OSBPL1A: variants seen among roughly 807,000 people sequenced by gnomAD.
OSBPL1A encodes oxysterol-binding protein-related protein 1.
Under a neutral mutation model 137.1 loss-of-function variants are expected in OSBPL1A, and 80 were observed. That is an observed-to-expected ratio of 0.58 (90% CI 0.49 to 0.70). The LOEUF (loss-of-function observed/expected upper bound fraction) is 0.70. OSBPL1A is among the 30% of genes least tolerant of loss of function. OSBPL1A has a pLI of 0.00. For synonymous variants in OSBPL1A, 365 were observed against 389.7 expected (o/e 0.94, Z 0.75); for missense variants, 970 against 1,129.4 (o/e 0.86, Z 2.02).
chr18:24,337,375 T>TAACATAACATAACA (rs748388391), intron 5 of OSBPL1A, among the ~76,000 whole-genome samples: 1 of 141,408 alleles, frequency 7.1e-6, no homozygotes, highest in African/African-American at 2.7e-5. Flanking sequence ...AAACATAACA[T>TAACATAACATAACA]TAACATAACA....
At chr18:24,253,403 T>C (rs559992650) in intron 15 of OSBPL1A, among the ~76,000 whole-genome samples, 1 of 152,252 alleles carries the variant, frequency 6.6e-6, no homozygotes, top group South Asian at 2.1e-4. Flanking sequence ...GATAAAGAAG[T>C]AAATCCAGCA....
At chr18:24,315,795 T>C (rs1437164170) in intron 11 of OSBPL1A, among the ~76,000 whole-genome samples, 1 of 74,478 alleles carries the variant, frequency 1.3e-5, no homozygotes, top group African/African-American at 6.8e-5. Flanking sequence ...TAATATAATA[T>C]ATAGTATATA....
Position 24,170,376 on chromosome 18 carries a change from T to A in OSBPL1A, c.2369A>T (p.Tyr790Phe). ...YSVDPATFDA[Y>F]KKNDKKNTEE... ...TGTATTTTTCTTATCATTTTTTTTG[T>A]AAGCGTCAAACGTGGCAGGGTCAAC... Residue 790 changes from tyrosine (Y) to phenylalanine (F), a missense_variant, in exon 24 of 28, where the codon TAC becomes TTC. Tyr to Phe is a conservative substitution (Grantham distance 22). This residue lies in a region of OSBPL1A where 323 missense variants were observed against 456.8 expected (regional missense o/e 0.71). Coordinates refer to ENST00000319481, the MANE Select transcript of OSBPL1A (RefSeq NM_080597.4). 6.2e-7 allele frequency: 1 copy of A among 1,614,180 alleles called. No homozygotes were observed. The highest frequency in any genetic ancestry group is 8.5e-7 in the Non-Finnish European group (1 of 1,180,002).
At chr18:24,321,028 C>CAAAAAAA (rs368453121) in intron 7 of OSBPL1A, among the ~76,000 whole-genome samples, 6 of 68,230 alleles carry the variant, frequency 8.8e-5, no homozygotes, top group South Asian at 5.0e-4. Context: ...GACTTCGTCT[C>CAAAAAAA]AAAAAAAAAA....
intron 1 of OSBPL1A, among the ~76,000 whole-genome samples, chr18:24,392,522 G>A (rs1907431890): frequency 6.6e-6 from 1 of 152,112 alleles, no homozygotes; most frequent in Non-Finnish European, 1.5e-5. Context: ...GTTGCGATTA[G>A]TTTTTAAATT....
intron 18 of OSBPL1A, among the ~76,000 whole-genome samples, chr18:24,191,870 T>C (rs1436114133): frequency 6.6e-6 from 1 of 152,082 alleles, no homozygotes; most frequent in Non-Finnish European, 1.5e-5. Flanking sequence ...AAGGATAAAA[T>C]GGAAATACAA....
intron 1 of OSBPL1A, among the ~76,000 whole-genome samples, chr18:24,380,516 G>A (rs1220766374): frequency 6.6e-6 from 1 of 152,194 alleles, no homozygotes; most frequent in African/African-American, 2.4e-5. Context: ...GGCAGAAAGT[G>A]AAGAGCAGCC....
chr18:24,391,819 A>T (rs1336283750), intron 1 of OSBPL1A, among the ~76,000 whole-genome samples: 2 of 152,222 alleles, frequency 1.3e-5, no homozygotes, highest in Admixed American at 1.3e-4. Flanking sequence ...AAAAATCAGG[A>T]AGCATCTAAA....
rs1477537875 is a variant in OSBPL1A at position 24,271,112 on chromosome 18, C to G, written c.1281+9730G>C. On this transcript the variant is annotated intron_variant, in intron 15 of 27. Transcript: ENST00000319481. This position sits in a 1 kb window ranked among gnomAD's most constrained non-coding sequence, Gnocchi z 4.0. ...AAGTTAAAAGCCACCTCCCCATTCCCCAACACAAATAGAATTTCCCTTTCT... is the reference window on the plus strand; with the variant it reads ...AAGTTAAAAGCCACCTCCCCATTCCGCAACACAAATAGAATTTCCCTTTCT... Among the ~76,000 whole-genome samples the G allele has an allele frequency of 6.6e-6, 1 of 152,212 alleles. No homozygotes were observed. Among genetic ancestry groups the G allele is most frequent in the Non-Finnish European group, 1.5e-5 (1 of 68,032 alleles).
intron 15 of OSBPL1A, chr18:24,272,352 T>A: frequency 9.8e-6 from 9 of 920,950 alleles, no homozygotes; most frequent in Non-Finnish European, 1.0e-5. Context: ...CGGCTCACGC[T>A]GAAGCGTTCG....
chr18:24,394,331 T>C (rs371266626), intron 1 of OSBPL1A, among the ~76,000 whole-genome samples: 16 of 152,328 alleles, frequency 1.1e-4, no homozygotes, highest in Admixed American at 7.2e-4. Flanking sequence ...TTTTAATGTT[T>C]CTTAAAATTA....
chr18:24,206,534 TA>T (rs1317441157), intron 17 of OSBPL1A, among the ~76,000 whole-genome samples: 6 of 152,208 alleles, frequency 3.9e-5, no homozygotes, highest in African/African-American at 1.4e-4. Context: ...CGAAAGAACA[TA>T]CTAATAAATC....
intron 20 of OSBPL1A, 107 bp from the exon 21 acceptor site, chr18:24,178,302 T>C (rs2086507796): frequency 8.0e-6 from 9 of 1,129,174 alleles, no homozygotes; most frequent in Non-Finnish European, 1.1e-5. Context: ...ATTCTTTTGT[T>C]GTTGTTGTTG....
chr18:24,334,224 G>C, intron 6 of OSBPL1A, 21 bp downstream of exon 6: 5 of 1,582,192 alleles, frequency 3.2e-6, no homozygotes, highest in Non-Finnish European at 4.3e-6. Flanking sequence ...TTGTCTTTTG[G>C]GGGTTTTTTG....
chr18:24,256,994 A>G (rs867104687), intron 15 of OSBPL1A, among the ~76,000 whole-genome samples: 25 of 142,418 alleles, frequency 1.8e-4, no homozygotes, highest in South Asian at 6.8e-4. Context: ...AAAAAAAAGG[A>G]AAGATATTCC....
intron 17 of OSBPL1A, among the ~76,000 whole-genome samples, chr18:24,224,807 G>A (rs992013117): frequency 2.6e-5 from 4 of 152,220 alleles, no homozygotes; most frequent in African/African-American, 9.6e-5. Context: ...AAGGATTTAT[G>A]TGCCCCTCTA....
intron 15 of OSBPL1A, among the ~76,000 whole-genome samples, chr18:24,258,690 T>C (rs1438206956): frequency 6.6e-6 from 1 of 152,178 alleles, no homozygotes; most frequent in African/African-American, 2.4e-5. Flanking sequence ...TTATTACGCA[T>C]TGTATGCCTG....
At chr18:24,163,732 C>CTT (rs57777453) in intron 27 of OSBPL1A, among the ~76,000 whole-genome samples, 1 of 145,440 alleles carries the variant, frequency 6.9e-6, no homozygotes, top group Non-Finnish European at 1.5e-5. Context: ...CTTCAAACTC[C>CTT]TTTTTTTTTT....
At chr18:24,368,260 C>A in intron 3 of OSBPL1A, 27 bp downstream of exon 3, 2 of 1,520,720 alleles carry the variant, frequency 1.3e-6, no homozygotes, top group Middle Eastern at 1.7e-4. Context: ...TTACTGTAGT[C>A]ATTAAAAATT....
Sources: gnomAD v4.1 joint callset for allele counts (sites outside exome capture counted in the v4.1 genomes callset) on GRCh38, gnomAD v4.1.1 for gene constraint, gnomAD v4.1.1 regional missense constraint, Gnocchi (gnomAD v3.1) non-coding constraint, MANE v1.5 for transcripts, NCBI Gene and HGNC (gene_info 2026-07-23, HGNC 2026-07-21) for gene names.